The following ITGB6 variants were observed in gnomAD, a reference collection of about 807,000 sequenced individuals.
ITGB6 encodes the protein integrin beta-6.
ITGB6 carries 80 observed loss-of-function variants against 84.5 expected under a neutral mutation model. The observed-to-expected ratio is 0.95, with a 90% CI of 0.79 to 1.14. The LOEUF is 1.14. Among genes scored for constraint, ITGB6 ranks in the 50% most tolerant of loss-of-function variants. The pLI, the probability that ITGB6 is intolerant of heterozygous loss-of-function variation, is 0.00. For synonymous variants in ITGB6, 383 were observed against 354.9 expected, an observed-to-expected ratio of 1.08 and a Z score of -0.89; for missense variants, 1,006 against 968.0, an observed-to-expected ratio of 1.04 and a Z score of -0.52.
intron 14 of ITGB6, among the ~76,000 whole-genome samples, chr2:160,103,230 C>T (rs1029946869): frequency 2.0e-5 from 3 of 152,230 alleles, no homozygotes; most frequent in East Asian, 1.9e-4. Flanking sequence ...TTTCTTTCAG[C>T]TCTTAAAAGA....
chr2:160,144,341 C>A (rs1684109988), intron 7 of ITGB6, among the ~76,000 whole-genome samples: 1 of 152,208 alleles, frequency 6.6e-6, no homozygotes, highest in South Asian at 2.1e-4. Flanking sequence ...TGGAGGACCC[C>A]CTTTTGTTTC....
At chr2:160,192,295 T>C (rs1308193549) in intron 4 of ITGB6, among the ~76,000 whole-genome samples, 3 of 152,100 alleles carry the variant, frequency 2.0e-5, no homozygotes, top group Admixed American at 1.3e-4. Context: ...TGAAACAGAA[T>C]AGTGTCCAGA....
intron 4 of ITGB6, among the ~76,000 whole-genome samples, chr2:160,183,967 C>T (rs999624661): frequency 6.6e-6 from 1 of 152,162 alleles, no homozygotes; most frequent in East Asian, 1.9e-4. Flanking sequence ...ATCTCTGAGA[C>T]ACAGCTAAAG....
At chr2:160,115,060 C>T (rs373138353) in intron 12 of ITGB6, among the ~76,000 whole-genome samples, 2 of 152,218 alleles carry the variant, frequency 1.3e-5, no homozygotes, top group Non-Finnish European at 1.5e-5. Flanking sequence ...GTAGGCTCCA[C>T]CTCTGGGGGC....
intron 10 of ITGB6, among the ~76,000 whole-genome samples, chr2:160,130,239 G>A (rs1683413252): frequency 6.6e-6 from 1 of 151,836 alleles, no homozygotes; most frequent in African/African-American, 2.4e-5. Context: ...TAAAATTATG[G>A]GACAACTGTT....
chr2:160,117,374 T>A (rs1408154247), intron 12 of ITGB6, among the ~76,000 whole-genome samples: 2 of 151,360 alleles, frequency 1.3e-5, no homozygotes, highest in African/African-American at 4.9e-5. Flanking sequence ...TCAAAACTGC[T>A]CAACTACATG....
chr2:160,104,277 G>T (rs12987602), intron 14 of ITGB6, among the ~76,000 whole-genome samples: 55,140 of 152,042 alleles, frequency 0.36, 11,868 homozygotes, highest in Non-Finnish European at 0.49. Context: ...GAAGATCAGA[G>T]GTCAGGATAA....
intron 6 of ITGB6, among the ~76,000 whole-genome samples, chr2:160,170,066 A>G (rs989761810): frequency 3.3e-5 from 5 of 152,256 alleles, no homozygotes; most frequent in Non-Finnish European, 5.9e-5. Flanking sequence ...TGAATAATGT[A>G]CAGAGGAAAC....
rs5835793 is a variant in ITGB6, at chr2:160,101,838, G to GAAAAA, written c.2269-9_2269-5dup. ...CTCTGTAGAGTGGATTGGTTCCCTG[G>GAAAAA]AAAAAAAAAAAAGATTCAAGTGAAA... On this transcript the variant is annotated splice_region_variant and splice_polypyrimidine_tract_variant and intron_variant, in intron 14 of 14. Transcript: ENST00000283249. 1 of 1,017,570 alleles carries GAAAAA rather than the reference G, an allele frequency of 9.8e-7. No homozygotes were observed. 63.0% of individuals were successfully genotyped at this position (1,017,570 alleles called of 1,614,324 possible).
At chr2:160,114,565 C>T (rs1015818153) in intron 12 of ITGB6, among the ~76,000 whole-genome samples, 1 of 152,186 alleles carries the variant, frequency 6.6e-6, no homozygotes, top group Non-Finnish European at 1.5e-5. Flanking sequence ...GTCTACAGCA[C>T]CCAGCGTGAG....
chr2:160,177,355 A>G lies in ITGB6; in HGVS notation c.594-3216T>C, dbSNP rs1175334339. Among the ~76,000 whole-genome samples the G allele has an allele frequency of 2.6e-5, 4 of 152,098 alleles. 1 individual carries two copies. The highest frequency in any genetic ancestry group is 1.3e-4 in the Admixed American group (2 of 15,264). On this transcript the variant is annotated intron_variant, in intron 4 of 14. Transcript: ENST00000283249. ...GCCGAGGTGGGCGGATCATGAGGTC[A>G]GGAGATAGAGACCATCCTGGCTAAC...
chr2:160,190,619 G>A (rs1686105993), intron 4 of ITGB6, among the ~76,000 whole-genome samples: 1 of 152,072 alleles, frequency 6.6e-6, no homozygotes, highest in South Asian at 2.1e-4. Context: ...CACATTGCTT[G>A]GTACATAGTT....
Position 160,200,053 on chromosome 2 carries a change from T to A in ITGB6, c.11A>T (p.Glu4Val), listed in dbSNP as rs1686497681. The A allele has an allele frequency of 1.2e-6, 2 of 1,613,742 alleles. No individual in the cohort carries two copies. Among genetic ancestry groups the A allele is most frequent in the South Asian group, 2.2e-5 (2 of 91,066 alleles). Reference sequence around the variant, plus strand: ...AAATAGAAAGAACAGGCAAAGCAGTTCAATCCCCATTCGTTTCAGTTCTTG... The same window carrying A: ...AAATAGAAAGAACAGGCAAAGCAGTACAATCCCCATTCGTTTCAGTTCTTG... Reference protein sequence around the residue: MGIELLCLFFLFLG... With the variant: MGIVLLCLFFLFLG... Residue 4 changes from glutamate (E) to valine (V), a missense_variant, in exon 1 of 15, where the codon GAA (glutamate) becomes GTA (valine). Physicochemically the swap from Glu to Val is moderately radical, Grantham distance 121. Coordinates refer to ENST00000283249, the MANE Select transcript of ITGB6 (RefSeq NM_000888.5).
At chr2:160,125,408 AGAT>A (rs1327298096) in intron 11 of ITGB6, among the ~76,000 whole-genome samples, 1 of 152,232 alleles carries the variant, frequency 6.6e-6, no homozygotes, top group African/African-American at 2.4e-5. Flanking sequence ...TTTATAGAGA[AGAT>A]AAAACAGAAA....
In ITGB6 at chr2:160,101,777, G is replaced by C. The variant is rs1696729308; in HGVS notation, c.2326C>G (p.His776Asp). The stretch of plus-strand genomic sequence containing the variant: ...AGGTCTACCTTTTGTTTTTCCCTGT[G>C]TTTATAAGTTACATTTTTAAAAGTA... ...TSTFKNVTYK[H>D]REKQKVDLST... Residue 776 changes from histidine (H) to aspartate (D), a missense_variant, in exon 15 of 15, where the codon CAC (histidine) becomes GAC (aspartate). His to Asp is a moderately conservative substitution (Grantham distance 81). Transcript: ENST00000283249. The C allele has an allele frequency of 1.9e-6, 3 of 1,602,118 alleles. No homozygotes were observed. The highest frequency in any genetic ancestry group is 2.6e-6 in the Non-Finnish European group (3 of 1,169,748).
chr2:160,179,770 C>T (rs1381120540), intron 4 of ITGB6, among the ~76,000 whole-genome samples: 3 of 149,636 alleles, frequency 2.0e-5, no homozygotes, highest in Non-Finnish European at 4.4e-5. Context: ...CAAAACAAAA[C>T]AAAAAACACC....
Position 160,142,048 on chromosome 2 carries a change from T to A in ITGB6, c.1041A>T (p.Gly347=). The change falls in exon 8 of 15, where the codon GGA becomes GGT. Residue 347 remains glycine (G), a synonymous_variant. Transcript: ENST00000283249. ...CCTTCTGAAGTAGACCTACTGTAGCTCCAGGAATAAGTTTTGCGTAATTCT... is the reference window on the plus strand; with the variant it reads ...CCTTCTGAAGTAGACCTACTGTAGCACCAGGAATAAGTTTTGCGTAATTCT... The part of the protein sequence containing the change: ...LYENYAKLIP[G]ATVGLLQKDS... 6.2e-7 allele frequency: 1 copy of A among 1,606,326 alleles called. No individual in the cohort carries two copies. Among genetic ancestry groups the A allele is most frequent in the Non-Finnish European group, 8.5e-7 (1 of 1,174,670 alleles).
chr2:160,142,192 A>G, intron 7 of ITGB6, 121 bp from the exon 8 acceptor site: 2 of 606,188 alleles, frequency 3.3e-6, no homozygotes, highest in Non-Finnish European at 5.9e-6. Context: ...CAGGTTCGTG[A>G]TAACAAACCT....
chr2:160,129,645 A>G (rs1574062957), intron 10 of ITGB6, among the ~76,000 whole-genome samples: 1 of 152,188 alleles, frequency 6.6e-6, no homozygotes, highest in Non-Finnish European at 1.5e-5. Context: ...GTAGATGTAG[A>G]AAAAAATCAC....
Sources: allele counts gnomAD v4.1 joint callset (sites outside exome capture counted in the v4.1 genomes callset), GRCh38; gene constraint gnomAD v4.1.1; transcripts MANE v1.5; gene names NCBI Gene and HGNC (gene_info 2026-07-23, HGNC 2026-07-21).